Variants in PDCD7 observed in about 807,000 individuals in gnomAD.
PDCD7 encodes programmed cell death 7.
In PDCD7, 40 loss-of-function variants were observed where a neutral mutation model predicts 42.1. The observed-to-expected ratio is 0.95, with a 90% CI of 0.74 to 1.24. PDCD7 has a LOEUF of 1.24. Among genes scored for constraint, PDCD7 ranks in the 50% most tolerant of loss-of-function variants. PDCD7 has a pLI of 0.00. For synonymous variants in PDCD7, 299 were observed against 303.3 expected, an observed-to-expected ratio of 0.99 and a Z score of 0.15; for missense variants, 644 against 662.8, an observed-to-expected ratio of 0.97 and a Z score of 0.31.
chr15:65,124,430 A>G (rs900284656), intron 2 of PDCD7, among the ~76,000 whole-genome samples: 1 of 151,622 alleles, frequency 6.6e-6, no homozygotes, highest in South Asian at 2.1e-4. Context: ...CGTCTCAAAA[A>G]AAAAAAAGAA....
chr15:65,123,360 G>A (rs547454430), intron 2 of PDCD7, among the ~76,000 whole-genome samples: 1 of 152,160 alleles, frequency 6.6e-6, no homozygotes, highest in East Asian at 1.9e-4. Flanking sequence ...GCTAATTTCT[G>A]TATTTTTAGT....
intron 2 of PDCD7, among the ~76,000 whole-genome samples, 186 bp downstream of exon 2, chr15:65,128,846 C>T (rs2087516846): frequency 6.6e-6 from 1 of 152,252 alleles, no homozygotes; most frequent in African/African-American, 2.4e-5. Flanking sequence ...TGGGCTACCA[C>T]AGGCTAAACA....
Position 65,117,530 on chromosome 15 carries a change from T to C in PDCD7, c.*1187A>G, listed in dbSNP as rs1012984700. The C allele has an allele frequency of 2.6e-5, 4 of 151,828 alleles. No homozygotes were observed. The highest frequency in any genetic ancestry group is 9.7e-5 in the African/African-American group (4 of 41,332). The allele number at this position is 151,828 out of a possible 1,614,324, so 9.4% of individuals were successfully genotyped here. The stretch of plus-strand genomic sequence containing the variant: ...TTTATTAATGAATATAAAAAATAAA[T>C]TTTACTTTTTTTTTTTTTGAGACGG... On this transcript the variant is annotated 3_prime_UTR_variant, in exon 5 of 5. Transcript: ENST00000204549.
intron 1 of PDCD7, among the ~76,000 whole-genome samples, chr15:65,130,580 A>C (rs1402157809): frequency 6.6e-6 from 1 of 152,184 alleles, no homozygotes. Context: ...TAATTCCACC[A>C]CTACAGCTAC....
chr15:65,133,683 G>T lies in PDCD7; in HGVS notation c.99C>A (p.Pro33=). ...GGAGAGGCGGCGGGAAAGCCGGGGA[G>T]GGCAGCGGCGGTGGCGGACAGCCGA... ...APFGCPPPPL[P]SPAFPPPLPQ... is the part of the protein sequence containing the mutation. Residue 33 remains proline (P), a synonymous_variant, in exon 1 of 5, where the codon CCC becomes CCA. Transcript: ENST00000204549. The T allele has an allele frequency of 7.8e-7, 1 of 1,274,048 alleles. No individual in the cohort carries two copies. 78.9% of individuals were successfully genotyped at this position (1,274,048 alleles called of 1,614,324 possible). A position where few individuals can be genotyped will look rare whatever the true frequency, so the allele number is the denominator to read the frequency against.
At chr15:65,127,044 C>T (rs1490078944) in intron 2 of PDCD7, among the ~76,000 whole-genome samples, 1 of 152,206 alleles carries the variant, frequency 6.6e-6, no homozygotes, top group Non-Finnish European at 1.5e-5. Flanking sequence ...TCAGCTTATG[C>T]TTCCATACTA....
chr15:65,131,194 T>C (rs1402692519), intron 1 of PDCD7, among the ~76,000 whole-genome samples: 2 of 152,154 alleles, frequency 1.3e-5, no homozygotes, highest in Non-Finnish European at 2.9e-5. Flanking sequence ...TACATTCTCA[T>C]AGGAGCACAA....
chr15:65,132,237 C>T (rs1262698357), intron 1 of PDCD7, among the ~76,000 whole-genome samples: 2 of 151,082 alleles, frequency 1.3e-5, no homozygotes, highest in Non-Finnish European at 2.9e-5. Flanking sequence ...ATTGCCCCAT[C>T]AGCTAATTAG....
In PDCD7 at chr15:65,133,588, C is replaced by T; in HGVS notation, c.194G>A (p.Arg65Gln). The T allele has an allele frequency of 8.1e-7, 1 of 1,233,020 alleles. No individual in the cohort carries two copies. Among genetic ancestry groups the T allele is most frequent in the Non-Finnish European group, 1.0e-6 (1 of 987,926 alleles). The allele number at this position is 1,233,020 out of a possible 1,614,324, so 76.4% of individuals were successfully genotyped here. Residue 65 changes from arginine to glutamine, a missense_variant, in exon 1 of 5, where the codon CGA becomes CAA. Arg to Gln is a conservative substitution (Grantham distance 43). Transcript: ENST00000204549. Reference sequence around the variant, plus strand: ...GCCGCGGGAGGCCTCCGCGGAGGCTCGGGGCTGCAGAGCCAGCGGAGGCTG... The same window carrying T: ...GCCGCGGGAGGCCTCCGCGGAGGCTTGGGGCTGCAGAGCCAGCGGAGGCTG... The part of the protein sequence containing the change: ...FLQPPLALQP[R>Q]ASAEASRGGG...
In PDCD7 at chr15:65,133,692, C is replaced by T. The variant is rs2087564129; in HGVS notation, c.90G>A (p.Pro30=). 4 of 1,275,666 alleles carry T rather than the reference C, an allele frequency of 3.1e-6. No individual in the cohort carries two copies. The highest frequency in any genetic ancestry group is 3.1e-5 in the African/African-American group (2 of 64,704). The allele number at this position is 1,275,666 out of a possible 1,614,324, so 79.0% of individuals were successfully genotyped here. A position where few individuals can be genotyped will look rare whatever the true frequency, so the allele number is the denominator to read the frequency against. The change falls in exon 1 of 5, where the codon CCG becomes CCA. Residue 30 remains proline, a synonymous_variant. Transcript: ENST00000204549. Reference sequence around the variant, plus strand: ...GCGGGAAAGCCGGGGAGGGCAGCGGCGGTGGCGGACAGCCGAAAGGAGCAG... The same window carrying T: ...GCGGGAAAGCCGGGGAGGGCAGCGGTGGTGGCGGACAGCCGAAAGGAGCAG... ...PPPAPFGCPP[P]PLPSPAFPPP...
At chr15:65,131,243 C>A (rs1375283144) in intron 1 of PDCD7, among the ~76,000 whole-genome samples, 1 of 152,216 alleles carries the variant, frequency 6.6e-6, no homozygotes, top group Admixed American at 6.5e-5. Context: ...AGGTTGTGGG[C>A]TCCTTATGAG....
Position 65,123,219 on chromosome 15 carries a change from C to T in PDCD7, c.1010-3265G>A, listed in dbSNP as rs916457115. ...TTTGTTTTGTTTTGAGACGGAGTCT[C>T]GCTCTGTCACCAGGCTGGAGTACAG... On this transcript the variant is annotated intron_variant, in intron 2 of 4. Coordinates refer to ENST00000204549, the MANE Select transcript of PDCD7 (RefSeq NM_005707.2). Among the ~76,000 whole-genome samples the T allele has an allele frequency of 1.2e-4, 18 of 152,324 alleles. No individual in the cohort carries two copies. In the Middle Eastern group the frequency reaches 0.01, roughly 86 times the overall value.
rs769308391 is a variant in PDCD7 at position 65,133,102 on chromosome 15, G to A, written c.680C>T (p.Thr227Ile). The A allele has an allele frequency of 3.2e-6, 5 of 1,555,836 alleles. No homozygotes were observed. The African/African-American group carries it at 5.4e-5, about 17-fold the overall frequency. The change falls in exon 1 of 5, where the codon ACC becomes ATC. Residue 227 changes from threonine (T) to isoleucine (I), a missense_variant. Thr to Ile is a moderately conservative substitution (Grantham distance 89). Transcript: ENST00000204549. ...AELAERLQPL[T>I]QAAYVGEARR... ...CGCCTCGCCCACATAGGCAGCCTGGGTCAACGGCTGTAGCCGCTCGGCCAG... is the reference window on the plus strand; with the variant it reads ...CGCCTCGCCCACATAGGCAGCCTGGATCAACGGCTGTAGCCGCTCGGCCAG...
intron 1 of PDCD7, among the ~76,000 whole-genome samples, chr15:65,132,699 T>C (rs1213148067): frequency 1.3e-5 from 2 of 152,204 alleles, no homozygotes; most frequent in Non-Finnish European, 2.9e-5. Context: ...ATACTTTGTG[T>C]TTACAGGATT....
rs1566973970 is a variant in PDCD7, at chr15:65,133,515, A to AGGCAGCGGCGGTGGT, written c.252_266dup (p.Leu88_Pro92dup). The AGGCAGCGGCGGTGGT allele has an allele frequency of 2.4e-6, 3 of 1,227,074 alleles. No homozygotes were observed. Among genetic ancestry groups the AGGCAGCGGCGGTGGT allele is most frequent in the Non-Finnish European group, 3.0e-6 (3 of 985,218 alleles). 76.0% of individuals were successfully genotyped at this position (1,227,074 alleles called of 1,614,324 possible). A position where few individuals can be genotyped will look rare whatever the true frequency, so the allele number is the denominator to read the frequency against. On this transcript the variant is annotated inframe_insertion, in exon 1 of 5. Transcript: ENST00000204549. ...AGGGCCGACACTGGGGCGGCGGAGGAGGCAGCGGCGGTGGTGGCACCGGGT... is the reference window on the plus strand; with the variant it reads ...AGGGCCGACACTGGGGCGGCGGAGGAGGCAGCGGCGGTGGTGGCAGCGGCGGTGGTGGCACCGGGT...
At position 65,128,948 on chromosome 15, in the gene PDCD7, T is replaced by C; in HGVS notation, c.1009+84A>G. The C allele has an allele frequency of 2.0e-6, 3 of 1,472,950 alleles. No individual in the cohort carries two copies. In the South Asian group the frequency reaches 3.7e-5, roughly 18 times the overall value. 91.2% of individuals were successfully genotyped at this position (1,472,950 alleles called of 1,614,324 possible). On this transcript the variant is annotated intron_variant, in intron 2 of 4. Coordinates refer to ENST00000204549, the MANE Select transcript of PDCD7 (RefSeq NM_005707.2). ...TGAAAATCATGAAGTTTCAAGTATT[T>C]TTCCCTCAATAATATTTGGGGTGGG... is the stretch of plus-strand genomic sequence containing the variant.
intron 2 of PDCD7, 81 bp from the exon 3 acceptor site, chr15:65,120,035 C>T: frequency 6.9e-7 from 1 of 1,448,514 alleles, no homozygotes. Flanking sequence ...GGCTGGAGTA[C>T]AGTGGTGTGA....
At chr15:65,122,567 C>T (rs1011665238) in intron 2 of PDCD7, among the ~76,000 whole-genome samples, 1 of 152,120 alleles carries the variant, frequency 6.6e-6, no homozygotes, top group Non-Finnish European at 1.5e-5. Context: ...TGGCTGTATC[C>T]TATTTCATCA....
At chr15:65,122,878 TG>T (rs574215352) in intron 2 of PDCD7, among the ~76,000 whole-genome samples, 174 of 152,048 alleles carry the variant, frequency 1.1e-3, no homozygotes, top group African/African-American at 4.0e-3. Flanking sequence ...GGCAGGTGCC[TG>T]TAATCCCAGC....
Sources: allele counts gnomAD v4.1 joint callset (sites outside exome capture counted in the v4.1 genomes callset), GRCh38; gene constraint gnomAD v4.1.1; transcripts MANE v1.5; gene names NCBI Gene and HGNC (gene_info 2026-07-23, HGNC 2026-07-21).